DNAH14: variants seen among roughly 807,000 people sequenced by gnomAD.
DNAH14 encodes dynein axonemal heavy chain 14.
Under a neutral mutation model 520.9 loss-of-function variants are expected in DNAH14, and 478 were observed. The observed-to-expected ratio is 0.92, with a 90% CI of 0.85 to 0.99. DNAH14 has a LOEUF of 0.99. Ranked by LOEUF, DNAH14 falls within the 50% of genes least tolerant of loss-of-function variation. The probability of loss-of-function intolerance (pLI) is 0.00; values close to 1 mark genes in which losing one functional copy is unlikely to be tolerated. For synonymous variants in DNAH14, 1,581 were observed against 1,757.2 expected (o/e 0.90, Z 2.51); for missense variants, 4,831 against 5,234.5 (o/e 0.92, Z 2.38).
Position 225,038,774 on chromosome 1 carries a change from C to A in DNAH14, c.1439C>A (p.Ala480Asp). 6.5e-7 allele frequency: 1 copy of A among 1,526,734 alleles called. No individual in the cohort carries two copies. Among genetic ancestry groups the A allele is most frequent in the South Asian group, 1.3e-5 (1 of 78,224 alleles). The allele number at this position is 1,526,734 out of a possible 1,614,324, so 94.6% of individuals were successfully genotyped here. A position where few individuals can be genotyped will look rare whatever the true frequency, so the allele number is the denominator to read the frequency against. Reference protein sequence around the residue: ...EELVDNSKLHAISVQKSEVKT... With the variant: ...EELVDNSKLHDISVQKSEVKT... ...CTTGTTGATAATTCAAAGTTACATG[C>A]TATTTCTGTTCAAAAGTCAGAAGTA... Residue 480 changes from alanine (A) to aspartate (D), a missense_variant, in exon 12 of 86, where the codon GCT (alanine) becomes GAT (aspartate). Coordinates refer to ENST00000682510, the MANE Select transcript of DNAH14 (RefSeq NM_001367479.1).
chr1:225,068,757 T>C (rs915742069), intron 17 of DNAH14, among the ~76,000 whole-genome samples: 3 of 152,308 alleles, frequency 2.0e-5, no homozygotes, highest in Non-Finnish European at 4.4e-5. Context: ...TTGATTGTTG[T>C]TGGTGTATAG....
At chr1:225,111,137 G>T in intron 23 of DNAH14, among the ~76,000 whole-genome samples, 1 of 152,020 alleles carries the variant, frequency 6.6e-6, no homozygotes, top group Non-Finnish European at 1.5e-5. Flanking sequence ...GGTCCATTTG[G>T]TCTATTGTGC....
At chr1:225,146,366 A>G (rs1345254241) in intron 30 of DNAH14, among the ~76,000 whole-genome samples, 2 of 152,112 alleles carry the variant, frequency 1.3e-5, no homozygotes, top group African/African-American at 4.8e-5. Context: ...CCTCCTTGCC[A>G]TACCTAGCAA....
chr1:225,387,968 T>C (rs2095861661), intron 81 of DNAH14, among the ~76,000 whole-genome samples: 1 of 152,060 alleles, frequency 6.6e-6, no homozygotes, highest in Non-Finnish European at 1.5e-5. Flanking sequence ...GGCTCAGAAC[T>C]GGAAGGCAAA....
In DNAH14 at chr1:225,259,162, C is replaced by G; in HGVS notation, c.7066C>G (p.Leu2356Val). ...GAAAACTGCTGCCATTAATCAAATGCTTGAAAAGCTAGAGGGTCCAGGAGC... is the reference window on the plus strand; with the variant it reads ...GAAAACTGCTGCCATTAATCAAATGGTTGAAAAGCTAGAGGGTCCAGGAGC... ...VGKTAAINQM[L>V]EKLEGPGAFD... The change falls in exon 46 of 86, where the codon CTT becomes GTT. Residue 2356 changes from leucine (L) to valine (V), a missense_variant. Coordinates refer to ENST00000682510, the MANE Select transcript of DNAH14 (RefSeq NM_001367479.1). The G allele has an allele frequency of 6.5e-7, 1 of 1,546,300 alleles. No homozygotes were observed. The highest frequency in any genetic ancestry group is 8.7e-7 in the Non-Finnish European group (1 of 1,145,406).
At chr1:225,240,843 C>T (rs1323261069) in intron 43 of DNAH14, 21 bp downstream of exon 43, 39 of 1,425,440 alleles carry the variant, frequency 2.7e-5, no homozygotes, top group Non-Finnish European at 3.6e-5. Context: ...TGGGAAAAAT[C>T]ATAACTATAC....
At chr1:225,200,872 A>G (rs1028958179) in intron 38 of DNAH14, among the ~76,000 whole-genome samples, 1 of 152,082 alleles carries the variant, frequency 6.6e-6, no homozygotes. Context: ...CCAGGTGTTC[A>G]TCGAGCTTCT....
At chr1:225,026,059 G>C (rs114523220) in intron 11 of DNAH14, among the ~76,000 whole-genome samples, 4 of 151,656 alleles carry the variant, frequency 2.6e-5, no homozygotes, top group Admixed American at 6.6e-5. Flanking sequence ...TGAACTCCTG[G>C]GCTCAAGCGA....
intron 81 of DNAH14, among the ~76,000 whole-genome samples, chr1:225,382,085 A>G (rs1382408253): frequency 1.3e-5 from 2 of 152,228 alleles, no homozygotes; most frequent in African/African-American, 4.8e-5. Context: ...TCCCCTTAGG[A>G]TTAGCACTGG....
In DNAH14 at chr1:225,303,053, C is replaced by T. The variant is rs970334583; in HGVS notation, c.8632-103C>T. 8.7e-6 allele frequency: 8 copies of T among 922,690 alleles called. No homozygotes were observed. The African/African-American group carries it at 1.3e-4, about 15-fold the overall frequency. 57.2% of individuals were successfully genotyped at this position (922,690 alleles called of 1,614,324 possible). A position where few individuals can be genotyped will look rare whatever the true frequency, so the allele number is the denominator to read the frequency against. Reference sequence around the variant, plus strand: ...AAATGATCAGTCCCTGATCTACCCACTAAGGAAAGATCTGAAATATGTTTT... The same window carrying T: ...AAATGATCAGTCCCTGATCTACCCATTAAGGAAAGATCTGAAATATGTTTT... On this transcript the variant is annotated intron_variant, in intron 56 of 85. Coordinates refer to ENST00000682510, the MANE Select transcript of DNAH14 (RefSeq NM_001367479.1).
At chr1:225,088,709 C>T (rs554966682) in intron 21 of DNAH14, among the ~76,000 whole-genome samples, 1 of 152,244 alleles carries the variant, frequency 6.6e-6, no homozygotes, top group South Asian at 2.1e-4. Context: ...CATAATTTCT[C>T]AAAACCAGTG....
In DNAH14 at chr1:225,167,985, C is replaced by T. The variant is rs1486990159; in HGVS notation, c.5492C>T (p.Ser1831Leu). ...ATQQLGLQNW[S>L]SQKEKIIQFY... ...CAGCAATTGGGTTTACAAAACTGGT[C>T]ATCTCAGAAAGAGAAGATTATACAG... The change falls in exon 36 of 86, where the codon TCA becomes TTA. Residue 1831 changes from serine (S) to leucine (L), a missense_variant. Ser to Leu is a moderately radical substitution (Grantham distance 145). Transcript: ENST00000682510. The T allele has an allele frequency of 2.6e-6, 4 of 1,539,268 alleles. No individual in the cohort carries two copies. The highest frequency in any genetic ancestry group is 3.5e-6 in the Non-Finnish European group (4 of 1,141,324).
At chr1:225,018,627 GA>G (rs1192352169) in intron 10 of DNAH14, among the ~76,000 whole-genome samples, 1 of 152,060 alleles carries the variant, frequency 6.6e-6, no homozygotes, top group Non-Finnish European at 1.5e-5. Flanking sequence ...CAACATGAAA[GA>G]AAAAATCTTA....
chr1:225,375,013 T>A, intron 78 of DNAH14, 128 bp downstream of exon 78: 1 of 833,788 alleles, frequency 1.2e-6, no homozygotes, highest in Non-Finnish European at 1.8e-6. Context: ...CTTTCAGTAG[T>A]ATGGAAGTAA....
chr1:225,310,230 T>C (rs1284618257), intron 60 of DNAH14, among the ~76,000 whole-genome samples: 6 of 151,960 alleles, frequency 3.9e-5, no homozygotes, highest in Non-Finnish European at 8.8e-5. Context: ...ATAATCTTTT[T>C]TTCTCCCTGG....
intron 55 of DNAH14, among the ~76,000 whole-genome samples, chr1:225,290,645 G>GTATATATATATA (rs2093855074): frequency 4.9e-5 from 2 of 40,582 alleles, no homozygotes; most frequent in African/African-American, 2.5e-4. Context: ...GTGTGTGTGT[G>GTATATATATATA]TGTATATATA....
intron 55 of DNAH14, among the ~76,000 whole-genome samples, chr1:225,291,200 C>CT (rs2093880705): frequency 6.6e-6 from 1 of 152,086 alleles, no homozygotes; most frequent in Admixed American, 6.6e-5. Flanking sequence ...ATTTCATTCT[C>CT]TTTTATGGCT....
chr1:225,217,293 G>A (rs139944958), intron 41 of DNAH14, among the ~76,000 whole-genome samples: 11 of 152,222 alleles, frequency 7.2e-5, no homozygotes, highest in East Asian at 5.8e-4. Context: ...ACTGCCCTGC[G>A]AGGTGTCAGT....
At chr1:225,000,243 A>G (rs1204839535) in intron 8 of DNAH14, among the ~76,000 whole-genome samples, 2 of 152,106 alleles carry the variant, frequency 1.3e-5, no homozygotes, top group East Asian at 1.9e-4. Flanking sequence ...TCTTCTAACC[A>G]TGGTCATTTG....
Sources: gnomAD v4.1 joint callset for allele counts (sites outside exome capture counted in the v4.1 genomes callset) on GRCh38, gnomAD v4.1.1 for gene constraint, MANE v1.5 for transcripts, NCBI Gene and HGNC (gene_info 2026-07-23, HGNC 2026-07-21) for gene names.